Variants in ZFHX3 observed in about 807,000 individuals in gnomAD.
ZFHX3 encodes the protein zinc finger homeobox 3.
Under a neutral mutation model 279.1 loss-of-function variants are expected in ZFHX3, and 42 were observed. The ratio of observed to expected loss-of-function variants is 0.15; its 90% confidence interval spans 0.12 to 0.19. The LOEUF is 0.19. Among genes scored for constraint, ZFHX3 ranks in the 10% least tolerant of loss-of-function variants. ZFHX3 has a pLI of 1.00. For missense variants in ZFHX3, 4,981 were observed against 4,754.0 expected (o/e 1.05, Z -1.40); for synonymous variants, 2,293 against 1,957.8 (o/e 1.17, Z -4.52).
intron 1 of ZFHX3, among the ~76,000 whole-genome samples, chr16:73,851,837 A>C (rs146804628): frequency 2.6e-5 from 4 of 152,252 alleles, no homozygotes; most frequent in African/African-American, 9.6e-5. Flanking sequence ...GTCCCTCCTC[A>C]CACCACCATC....
chr16:73,682,830 G>A (rs1290807315), intron 1 of ZFHX3, among the ~76,000 whole-genome samples: 1 of 142,766 alleles, frequency 7.0e-6, no homozygotes, highest in African/African-American at 2.7e-5. Flanking sequence ...GAGAAAAGGA[G>A]AGAGAGAGAG....
intron 1 of ZFHX3, among the ~76,000 whole-genome samples, chr16:73,884,377 A>C (rs1032107376): frequency 6.6e-6 from 1 of 152,226 alleles, no homozygotes; most frequent in Non-Finnish European, 1.5e-5. Flanking sequence ...ACTAAATGCT[A>C]ATGCAATTTT....
intron 2 of ZFHX3, among the ~76,000 whole-genome samples, chr16:73,556,874 T>A (rs1458360247): frequency 6.6e-6 from 1 of 151,622 alleles, no homozygotes; most frequent in African/African-American, 2.4e-5. Context: ...GACAGGCAGA[T>A]CACGAGGTCA....
intron 3 of ZFHX3, among the ~76,000 whole-genome samples, chr16:73,327,655 T>C (rs942780467): frequency 1.2e-4 from 18 of 152,240 alleles, no homozygotes; most frequent in African/African-American, 4.3e-4. Flanking sequence ...AGCAAGTATC[T>C]TGCCTTATCA....
Position 72,961,884 on chromosome 16 carries a change from TAAACCAAACCAAACC to T in ZFHX3, c.-49-1705_-49-1691del, listed in dbSNP as rs57537362. ...TGACTTAAAACAGAGATGACTACAGTAAACCAAACCAAACCAAACCAAACCAAACCAAACCAAACC... is the reference window on the plus strand; with the variant it reads ...TGACTTAAAACAGAGATGACTACAGTAAACCAAACCAAACCAAACCAAACC... On this transcript the variant is annotated intron_variant, in intron 1 of 9. Transcript: ENST00000268489. Among the ~76,000 whole-genome samples the T allele has an allele frequency of 7.4e-3, 1,115 of 149,850 alleles. 5 individuals carry two copies. The highest frequency in any genetic ancestry group is 0.023 in the African/African-American group (925 of 40,632).
At chr16:73,170,564 A>C (rs755301400) in intron 5 of ZFHX3, among the ~76,000 whole-genome samples, 1 of 152,080 alleles carries the variant, frequency 6.6e-6, no homozygotes, top group African/African-American at 2.4e-5. Context: ...TATTGTTGAA[A>C]TAGTTTGGGT....
rs2035788950 is a variant in ZFHX3 at position 72,793,573 on chromosome 16, G to A, written c.9109C>T (p.Leu3037=). The A allele has an allele frequency of 6.2e-7, 1 of 1,614,204 alleles. No homozygotes were observed. Among genetic ancestry groups the A allele is most frequent in the Non-Finnish European group, 8.5e-7 (1 of 1,180,048 alleles). ...TLCGIKYSAR[L]SVRDHIFSQQ... is the part of the protein sequence containing the mutation. The stretch of plus-strand genomic sequence containing the variant: ...GAAAAGATATGGTCACGTACAGACA[G>A]CCGAGCGCTGTACTTGATGCCACAC... The change falls in exon 9 of 10, where the codon CTG becomes TTG. Residue 3037 remains leucine (L), a synonymous_variant. Coordinates refer to ENST00000268489, the MANE Select transcript of ZFHX3 (RefSeq NM_006885.4). This position sits in a 1 kb window ranked among gnomAD's most constrained non-coding sequence, Gnocchi z 4.3.
chr16:73,550,433 C>A (rs991788366), intron 2 of ZFHX3, among the ~76,000 whole-genome samples: 1 of 152,162 alleles, frequency 6.6e-6, no homozygotes, highest in Admixed American at 6.5e-5. Flanking sequence ...GTGAGGCTGG[C>A]CTTTGGAGAA....
chr16:72,835,772 A>T (rs939210234), intron 4 of ZFHX3, among the ~76,000 whole-genome samples: 10 of 151,832 alleles, frequency 6.6e-5, no homozygotes, highest in Non-Finnish European at 1.3e-4. Flanking sequence ...GCATCCTGAG[A>T]CTCATTGTAT....
At chr16:73,483,506 A>T in intron 2 of ZFHX3, 2 of 403,582 alleles carry the variant, frequency 5.0e-6, no homozygotes, top group Non-Finnish European at 9.7e-6. Flanking sequence ...CTCGACGCTG[A>T]ACAAATAGGC....
rs1455362665 is a variant in ZFHX3, at chr16:73,546,964, T to G, written c.-1546-90706A>C. ...CCACCCCTACCCCTGTCCCCATTGT[T>G]AATGTAAGAGGCAGAGAATATAACC... On this transcript the variant is annotated intron_variant, in intron 2 of 17. Coordinates refer to the ZFHX3 transcript ENST00000641206. 3.9e-5 allele frequency among the ~76,000 whole-genome samples: 6 copies of G among 152,220 alleles called. No homozygotes were observed. The East Asian group carries it at 1.2e-3, about 29-fold the overall frequency.
chr16:73,031,392 G>T (rs1201401272), intron 1 of ZFHX3, among the ~76,000 whole-genome samples: 2 of 152,156 alleles, frequency 1.3e-5, no homozygotes, highest in Admixed American at 1.3e-4. Context: ...AGTAACTCTA[G>T]GGGGCAGGTC....
upstream of ZFHX3, among the ~76,000 whole-genome samples, chr16:73,051,806 CTCTT>C (rs1337989824): frequency 6.6e-6 from 1 of 150,990 alleles, no homozygotes; most frequent in East Asian, 1.9e-4. Flanking sequence ...AGCTCTCTCT[CTCTT>C]TCTCGCTCCT....
intron 2 of ZFHX3, among the ~76,000 whole-genome samples, chr16:73,523,485 T>C (rs1200119173): frequency 6.6e-6 from 1 of 152,136 alleles, no homozygotes; most frequent in East Asian, 1.9e-4. Context: ...TTCATTGACA[T>C]ACATGGGGGT....
At chr16:72,879,729 A>C (rs2038412282) in intron 4 of ZFHX3, among the ~76,000 whole-genome samples, 1 of 152,136 alleles carries the variant, frequency 6.6e-6, no homozygotes, top group Admixed American at 6.5e-5. Context: ...CCAGCTAAGG[A>C]GTTTTTATTT....
chr16:73,044,644 G>A (rs1039379801), intron 1 of ZFHX3, among the ~76,000 whole-genome samples: 4 of 151,994 alleles, frequency 2.6e-5, no homozygotes, highest in Admixed American at 6.6e-5. Flanking sequence ...ATGGAGTTTC[G>A]GAGTTTCGCT....
At chr16:73,725,582 A>T (rs1335772130) in intron 1 of ZFHX3, among the ~76,000 whole-genome samples, 1 of 150,510 alleles carries the variant, frequency 6.6e-6, no homozygotes, top group African/African-American at 2.4e-5. Flanking sequence ...CTGAGGGAGG[A>T]ATCAGGGAAT....
chr16:72,943,971 GTACTGACCTAAAAGTATCTATATC>G (rs1286750839), intron 3 of ZFHX3, among the ~76,000 whole-genome samples: 13 of 152,290 alleles, frequency 8.5e-5, no homozygotes, highest in Non-Finnish European at 1.8e-4. Flanking sequence ...GTATCTATAT[GTACTGACCTAAAAGTATCTATATC>G]TACTGACCTA....
chr16:72,815,077 A>G (rs1567529922), intron 5 of ZFHX3, among the ~76,000 whole-genome samples: 2 of 152,144 alleles, frequency 1.3e-5, no homozygotes, highest in Non-Finnish European at 2.9e-5. Context: ...ACATCGTACC[A>G]AAGTCGTTAC....
Sources: gnomAD v4.1 joint callset for allele counts (sites outside exome capture counted in the v4.1 genomes callset) on GRCh38, gnomAD v4.1.1 for gene constraint, Gnocchi (gnomAD v3.1) non-coding constraint, MANE v1.5 for transcripts, NCBI Gene and HGNC (gene_info 2026-07-23, HGNC 2026-07-21) for gene names.